Variants in ZNF804A observed in about 807,000 individuals in gnomAD.
The protein encoded by ZNF804A is zinc finger protein 804A.
A neutral mutation model predicts 16.5 loss-of-function variants in ZNF804A; 2 were observed. The ratio of observed to expected loss-of-function variants is 0.12; its 90% CI spans 0.05 to 0.38. The LOEUF (loss-of-function observed/expected upper bound fraction) is 0.38. Ranked by LOEUF, ZNF804A falls within the 10% of genes least tolerant of loss-of-function variation. The pLI, the probability that ZNF804A is intolerant of heterozygous loss-of-function variation, is 0.99. For missense variants in ZNF804A, 1,473 were observed against 1,390.7 expected, an observed-to-expected ratio of 1.06 and a Z score of -0.94; for synonymous variants, 534 against 489.6, an observed-to-expected ratio of 1.09 and a Z score of -1.20.
chr2:184,601,499 A>G (rs1284216426), intron 1 of ZNF804A, among the ~76,000 whole-genome samples: 1 of 151,920 alleles, frequency 6.6e-6, no homozygotes, highest in African/African-American at 2.4e-5. Context: ...CATTCTATAA[A>G]TTTTCAAGTA....
At chr2:184,860,194 T>G (rs1203515423) in intron 1 of ZNF804A, among the ~76,000 whole-genome samples, 1 of 152,218 alleles carries the variant, frequency 6.6e-6, no homozygotes, top group African/African-American at 2.4e-5. Context: ...CCTGTAATCT[T>G]TATCTGCTGA....
At chr2:184,932,368 C>T (rs913400204) in intron 2 of ZNF804A, among the ~76,000 whole-genome samples, 5 of 152,108 alleles carry the variant, frequency 3.3e-5, no homozygotes, top group African/African-American at 7.2e-5. Flanking sequence ...CTAGAAAGGC[C>T]TCACAATCTT....
intron 1 of ZNF804A, among the ~76,000 whole-genome samples, chr2:184,773,045 TA>T (rs1694241089): frequency 1.3e-5 from 2 of 149,654 alleles, no homozygotes; most frequent in African/African-American, 4.9e-5. Context: ...TGTATATATA[TA>T]TTTTTTTAAA....
At chr2:184,666,671 T>C in intron 1 of ZNF804A, among the ~76,000 whole-genome samples, 1 of 152,016 alleles carries the variant, frequency 6.6e-6, no homozygotes, top group East Asian at 1.9e-4. Context: ...CTCAGGCAAA[T>C]TAGCATAAAA....
intron 1 of ZNF804A, among the ~76,000 whole-genome samples, chr2:184,750,824 T>G (rs1332327714): frequency 6.6e-6 from 1 of 151,348 alleles, no homozygotes; most frequent in Non-Finnish European, 1.5e-5. Context: ...GATACCTCCA[T>G]GTACCACCTC....
chr2:184,679,558 C>T (rs184390422), intron 1 of ZNF804A, among the ~76,000 whole-genome samples: 3 of 152,298 alleles, frequency 2.0e-5, no homozygotes, highest in Admixed American at 2.0e-4. Flanking sequence ...CCTCCACAGG[C>T]TTGGAAGTGC....
At chr2:184,847,164 ATTTAG>A (rs1695532462) in intron 1 of ZNF804A, among the ~76,000 whole-genome samples, 3 of 152,240 alleles carry the variant, frequency 2.0e-5, no homozygotes, top group Admixed American at 6.6e-5. Flanking sequence ...GTTGTACTCA[ATTTAG>A]CTCGCCAGAG....
chr2:184,721,593 G>A (rs768577769), intron 1 of ZNF804A, among the ~76,000 whole-genome samples: 1 of 152,092 alleles, frequency 6.6e-6, no homozygotes, highest in Non-Finnish European at 1.5e-5. Context: ...AACAGGTGCT[G>A]GTGAGGATGT....
rs774960121 is a variant in ZNF804A, at chr2:184,598,930, G to T, written c.-30G>T. The T allele has an allele frequency of 6.8e-7, 1 of 1,464,598 alleles. No homozygotes were observed. The highest frequency in any genetic ancestry group is 2.6e-5 in the East Asian group (1 of 37,868). The allele number at this position is 1,464,598 out of a possible 1,614,324, so 90.7% of individuals were successfully genotyped here. ...TGGGCGCGGGGTGCGTGGAAGCGGC[G>T]GCTGCGGCGGAGGAGGCGGCGGCTG... On this transcript the variant is annotated 5_prime_UTR_variant, in exon 1 of 4. Transcript: ENST00000302277.
At chr2:184,760,736 A>G (rs910198268) in intron 1 of ZNF804A, among the ~76,000 whole-genome samples, 3 of 152,128 alleles carry the variant, frequency 2.0e-5, no homozygotes, top group Admixed American at 6.6e-5. Context: ...TTGGGGATAA[A>G]TAAGTCTCAC....
chr2:184,877,613 C>T (rs1005495282), intron 2 of ZNF804A, among the ~76,000 whole-genome samples: 3 of 151,948 alleles, frequency 2.0e-5, no homozygotes, highest in Admixed American at 2.0e-4. Context: ...AGCAAGAAAA[C>T]TTTAATTCTA....
At chr2:184,860,299 C>T (rs886866289) in intron 1 of ZNF804A, among the ~76,000 whole-genome samples, 6 of 152,158 alleles carry the variant, frequency 3.9e-5, no homozygotes, top group African/African-American at 1.4e-4. Flanking sequence ...TAGCCTGGAA[C>T]CTGGTTAAAC....
At chr2:184,721,941 G>A (rs1320404326) in intron 1 of ZNF804A, among the ~76,000 whole-genome samples, 3 of 152,182 alleles carry the variant, frequency 2.0e-5, no homozygotes, top group East Asian at 3.9e-4. Flanking sequence ...AGCAACATGA[G>A]TGGAGCTGGA....
intron 1 of ZNF804A, among the ~76,000 whole-genome samples, chr2:184,732,954 T>C (rs913418761): frequency 6.6e-6 from 1 of 152,184 alleles, no homozygotes; most frequent in African/African-American, 2.4e-5. Flanking sequence ...ATTTTCTACA[T>C]AGATGATCAT....
intron 2 of ZNF804A, among the ~76,000 whole-genome samples, chr2:184,919,002 G>A: frequency 6.6e-6 from 1 of 152,152 alleles, no homozygotes; most frequent in Admixed American, 6.5e-5. Context: ...TATCAAACCA[G>A]TTTCTTCAGG....
intron 1 of ZNF804A, among the ~76,000 whole-genome samples, chr2:184,709,048 C>G (rs868400240): frequency 2.0e-5 from 3 of 152,270 alleles, no homozygotes; most frequent in Middle Eastern, 3.4e-3. Flanking sequence ...CAAATCCAAA[C>G]GCCTCTGCAG....
intron 2 of ZNF804A, among the ~76,000 whole-genome samples, chr2:184,897,802 T>C (rs1032651705): frequency 2.6e-5 from 4 of 152,120 alleles, no homozygotes; most frequent in Non-Finnish European, 5.9e-5. Flanking sequence ...TCCATCATTA[T>C]AGTTTCTTTG....
intron 1 of ZNF804A, among the ~76,000 whole-genome samples, chr2:184,818,293 A>G (rs572428876): frequency 5.5e-4 from 84 of 152,148 alleles, no homozygotes; most frequent in Non-Finnish European, 8.8e-4. Context: ...CCAGAATTGG[A>G]TATCTGTCCA....
In ZNF804A at chr2:184,673,524, A is replaced by G. The variant is rs191074902; in HGVS notation, c.111+74454A>G. Among the ~76,000 whole-genome samples, 11 of 152,346 alleles carry G rather than the reference A, an allele frequency of 7.2e-5. No homozygotes were observed. The East Asian group carries it at 2.1e-3, about 29-fold the overall frequency. On this transcript the variant is annotated intron_variant, in intron 1 of 3. Transcript: ENST00000302277. ...CACCTAATTGTCCAAGGCCTGTGAGATTTGACAGTATCCTGTTCACTGAAA... is the reference window on the plus strand; with the variant it reads ...CACCTAATTGTCCAAGGCCTGTGAGGTTTGACAGTATCCTGTTCACTGAAA...
Sources: gnomAD v4.1 joint callset for allele counts (sites outside exome capture counted in the v4.1 genomes callset) on GRCh38, gnomAD v4.1.1 for gene constraint, MANE v1.5 for transcripts, NCBI Gene and HGNC (gene_info 2026-07-23, HGNC 2026-07-21) for gene names.